The following CDH23 variants were observed in gnomAD, a reference collection of about 807,000 sequenced individuals.
The protein encoded by CDH23 is cadherin-23.
CDH23 carries 189 observed loss-of-function variants against 317.1 expected under a neutral mutation model. That is an observed-to-expected ratio of 0.60 (90% CI 0.53 to 0.67). CDH23 has a LOEUF of 0.67. CDH23 is among the 30% of genes least tolerant of loss of function. The probability of loss-of-function intolerance (pLI) is 0.00; values close to 1 mark genes in which losing one functional copy is unlikely to be tolerated. For missense variants in CDH23, 4,401 were observed against 4,592.4 expected (o/e 0.96, Z 1.20); for synonymous variants, 1,839 against 1,876.8 (o/e 0.98, Z 0.52).
chr10:71,479,292 T>C (rs1161852227), intron 3 of CDH23, among the ~76,000 whole-genome samples: 1 of 152,214 alleles, frequency 6.6e-6, no homozygotes, highest in Non-Finnish European at 1.5e-5. Flanking sequence ...ATTTTGGGGT[T>C]TCCTCATGCT....
intron 1 of CDH23, among the ~76,000 whole-genome samples, chr10:71,424,422 G>C (rs1848957630): frequency 6.6e-6 from 1 of 152,222 alleles, no homozygotes. Flanking sequence ...ATGTGGGGAG[G>C]AAGTGGCTGT....
intron 11 of CDH23, among the ~76,000 whole-genome samples, chr10:71,636,114 TAA>T (rs1448931699): frequency 6.6e-6 from 1 of 151,040 alleles, no homozygotes; most frequent in African/African-American, 2.4e-5. Context: ...GAGGGCGAGA[TAA>T]AGAGAGAAAC....
At chr10:71,575,550 G>T (rs1177687489) in intron 8 of CDH23, among the ~76,000 whole-genome samples, 1 of 152,104 alleles carries the variant, frequency 6.6e-6, no homozygotes, top group Non-Finnish European at 1.5e-5. Context: ...CGGGGCCCCT[G>T]CAGGCCTGCA....
intron 38 of CDH23, among the ~76,000 whole-genome samples, chr10:71,776,449 A>G (rs1314050279): frequency 6.6e-6 from 1 of 152,176 alleles, no homozygotes; most frequent in Non-Finnish European, 1.5e-5. Context: ...CTACCCAGAC[A>G]CCTTTGCAGT....
chr10:71,709,085 CCTT>C lies in CDH23; in HGVS notation c.3107-11_3107-9del. ...TGTTTCCCAGCCGGAAGCTTCCTCT[CCTT>C]CACCCACAGGTGGCAACGTGGATGG... On this transcript the variant is annotated splice_polypyrimidine_tract_variant and intron_variant, in intron 26 of 69. Transcript: ENST00000224721. 1 of 1,612,832 alleles carries C rather than the reference CCTT, an allele frequency of 6.2e-7. No individual in the cohort carries two copies. The highest frequency in any genetic ancestry group is 8.5e-7 in the Non-Finnish European group (1 of 1,179,102).
chr10:71,591,686 A>G (rs1317214456), intron 9 of CDH23, among the ~76,000 whole-genome samples: 2 of 152,232 alleles, frequency 1.3e-5, no homozygotes, highest in East Asian at 1.9e-4. Context: ...TGGCATCCAC[A>G]TGACTGAAGA....
chr10:71,398,369 C>T (rs1847621590), intron 1 of CDH23, among the ~76,000 whole-genome samples: 1 of 152,006 alleles, frequency 6.6e-6, no homozygotes, highest in Admixed American at 6.6e-5. Flanking sequence ...CGCCTTCCAG[C>T]CCCTTGGGAA....
intron 9 of CDH23, among the ~76,000 whole-genome samples, chr10:71,596,207 T>C (rs575177272): frequency 4.6e-5 from 7 of 152,164 alleles, no homozygotes; most frequent in Non-Finnish European, 8.8e-5. Context: ...AGGATGTCGG[T>C]GGGATCCCAC....
rs187944568 is a variant in CDH23, at chr10:71,549,818, T to C, written c.430-16924T>C. ...GGTCTTGACTGCAACTTCAAGGCAC[T>C]AGAGGGTGTGAGAGATGATCAGGAA... On this transcript the variant is annotated intron_variant, in intron 6 of 69. Transcript: ENST00000224721. Among the ~76,000 whole-genome samples the C allele has an allele frequency of 4.6e-5, 7 of 152,278 alleles. No homozygotes were observed. The East Asian group carries it at 1.4e-3, about 29-fold the overall frequency.
At chr10:71,504,154 A>T (rs1048883783) in intron 3 of CDH23, among the ~76,000 whole-genome samples, 4 of 152,184 alleles carry the variant, frequency 2.6e-5, no homozygotes, top group Non-Finnish European at 5.9e-5. Flanking sequence ...ACCGACCTCC[A>T]GAACTCTTTT....
chr10:71,499,063 C>T (rs1369105827), intron 3 of CDH23, among the ~76,000 whole-genome samples: 2 of 152,156 alleles, frequency 1.3e-5, no homozygotes, highest in African/African-American at 4.8e-5. Flanking sequence ...CAATGGAATA[C>T]TATTCAGCTA....
intron 14 of CDH23, among the ~76,000 whole-genome samples, chr10:71,669,376 C>T (rs1589314918): frequency 6.6e-6 from 1 of 152,152 alleles, no homozygotes; most frequent in African/African-American, 2.4e-5. Context: ...TTGTTTTCCT[C>T]GTAGTTCTTA....
rs186142555 is a variant in CDH23 at position 71,693,327 on chromosome 10, G to A, written c.2177-820G>A. On this transcript the variant is annotated intron_variant, in intron 20 of 69. Transcript: ENST00000224721. ...CCAGTTGTCAAACATTTACCAGCAC[G>A]CCACTATCAGGGTGATGTTTGCATT... 5.4e-3 allele frequency among the ~76,000 whole-genome samples: 820 copies of A among 151,558 alleles called. 3 individuals carry two copies. The highest frequency in any genetic ancestry group is 9.0e-3 in the Non-Finnish European group (613 of 67,922).
intron 27 of CDH23, among the ~76,000 whole-genome samples, chr10:71,710,821 C>T (rs1434129551): frequency 6.6e-6 from 1 of 152,230 alleles, no homozygotes; most frequent in East Asian, 1.9e-4. Flanking sequence ...CCGCAGCTGG[C>T]CCATGGAGTG....
At chr10:71,646,392 T>C in intron 13 of CDH23, 67 bp from the exon 14 acceptor site, 2 of 1,585,858 alleles carry the variant, frequency 1.3e-6, no homozygotes, top group Non-Finnish European at 1.7e-6. Flanking sequence ...GGAGAGGACT[T>C]ACAGGGACAA....
At chr10:71,530,038 C>CACACACACACACACACACACACAG (rs1855276052) in intron 6 of CDH23, among the ~76,000 whole-genome samples, 1 of 131,162 alleles carries the variant, frequency 7.6e-6, no homozygotes, top group African/African-American at 3.2e-5. Context: ...CATACAGACA[C>CACACACACACACACACACACACAG]ACACACACAC....
chr10:71,701,770 G>C (rs1865595063), intron 22 of CDH23, among the ~76,000 whole-genome samples: 1 of 152,072 alleles, frequency 6.6e-6, no homozygotes, highest in African/African-American at 2.4e-5. Flanking sequence ...AAAATCCAGG[G>C]TTTCAAATCC....
intron 9 of CDH23, among the ~76,000 whole-genome samples, chr10:71,579,976 AC>A (rs1172832444): frequency 2.0e-5 from 3 of 151,958 alleles, no homozygotes; most frequent in South Asian, 2.1e-4. Context: ...TTCCAGATAT[AC>A]CCCAGCCTGG....
intron 30 of CDH23, among the ~76,000 whole-genome samples, chr10:71,727,298 C>T (rs1386022710): frequency 1.3e-5 from 2 of 152,248 alleles, no homozygotes; most frequent in South Asian, 4.1e-4. Flanking sequence ...AACCACTACA[C>T]TCCACTGCCT....
Sources: allele counts gnomAD v4.1 joint callset (sites outside exome capture counted in the v4.1 genomes callset), GRCh38; gene constraint gnomAD v4.1.1; transcripts MANE v1.5; gene names NCBI Gene and HGNC (gene_info 2026-07-23, HGNC 2026-07-21).